Variants in ALMS1 observed in about 807,000 individuals in gnomAD.
The protein encoded by ALMS1 is centrosome-associated protein ALMS1.
ALMS1 carries 271 observed loss-of-function variants against 352.2 expected under a neutral mutation model. The ratio of observed to expected loss-of-function variants is 0.77; its 90% CI spans 0.70 to 0.85. The LOEUF is 0.85. Among genes scored for constraint, ALMS1 ranks in the 40% least tolerant of loss-of-function variants. The pLI is 0.00. For synonymous variants in ALMS1, 1,865 were observed against 1,761.2 expected (o/e 1.06, Z -1.48); for missense variants, 5,445 against 4,870.7 (o/e 1.12, Z -3.51).
chr2:73,392,296 G>A (rs1030781820), intron 1 of ALMS1, among the ~76,000 whole-genome samples: 15 of 123,724 alleles, frequency 1.2e-4, no homozygotes, highest in African/African-American at 3.8e-4. Context: ...GTGTGTGTGT[G>A]TATTTCCTTG....
chr2:73,563,107 A>C (rs955518001), intron 15 of ALMS1, among the ~76,000 whole-genome samples: 13 of 151,958 alleles, frequency 8.6e-5, no homozygotes, highest in African/African-American at 3.1e-4. Context: ...AAAAAAAAAA[A>C]AACTTCTTGG....
chr2:73,601,209 G>A lies in ALMS1; in HGVS notation c.11887G>A (p.Val3963Ile). 1 of 1,614,208 alleles carries A rather than the reference G, an allele frequency of 6.2e-7. No homozygotes were observed. The highest frequency in any genetic ancestry group is 1.1e-5 in the South Asian group (1 of 91,070). Residue 3963 changes from valine (V) to isoleucine (I), a missense_variant, in exon 19 of 23, where the codon GTT (valine) becomes ATT (isoleucine). Val to Ile is a conservative substitution (Grantham distance 29). Transcript: ENST00000613296. ...GTTTCCTGTAGGAGTTTCCTGGTTT[G>A]TTCCTGTGGAAAATGTGGAGTCTAG... is the stretch of plus-strand genomic sequence containing the variant. ...KNSHEGVSWFVPVENVESRSK... is the reference protein window; with the variant it reads ...KNSHEGVSWFIPVENVESRSK...
chr2:73,609,778 T>A lies in ALMS1; in HGVS notation c.*166T>A. On this transcript the variant is annotated 3_prime_UTR_variant, in exon 23 of 23. Coordinates refer to ENST00000613296, the MANE Select transcript of ALMS1 (RefSeq NM_001378454.1). ...GGAACAAAGTGGTGATTAAAATTCC[T>A]AATGGTTTGGGAGCAATACTTTCTG... 1 of 711,130 alleles carries A rather than the reference T, an allele frequency of 1.4e-6. No homozygotes were observed. Among genetic ancestry groups the A allele is most frequent in the South Asian group, 1.7e-5 (1 of 58,888 alleles). The allele number at this position is 711,130 out of a possible 1,614,324, so 44.1% of individuals were successfully genotyped here.
rs555059736 is a variant in ALMS1, at chr2:73,540,885, A to T, written c.9907+5936A>T. The stretch of plus-strand genomic sequence containing the variant: ...CCAGATTGATAAAGCAAGTCCTTAG[A>T]GACCTACAAAGAGACTTAGACTCCC... On this transcript the variant is annotated intron_variant, in intron 12 of 22. Coordinates refer to ENST00000613296, the MANE Select transcript of ALMS1 (RefSeq NM_001378454.1). 2.6e-5 allele frequency among the ~76,000 whole-genome samples: 4 copies of T among 152,348 alleles called. No homozygotes were observed. The East Asian group carries it at 5.8e-4, about 22-fold the overall frequency.
At chr2:73,497,285 C>CT (rs1021958559) in intron 10 of ALMS1, among the ~76,000 whole-genome samples, 53 of 151,664 alleles carry the variant, frequency 3.5e-4, no homozygotes, top group African/African-American at 1.3e-3. Flanking sequence ...TGGGTTTCTT[C>CT]TTTTTTTTAA....
intron 5 of ALMS1, among the ~76,000 whole-genome samples, chr2:73,425,968 GT>G (rs1412980333): frequency 6.6e-6 from 1 of 152,172 alleles, no homozygotes; most frequent in Admixed American, 6.5e-5. Flanking sequence ...CAACCAGGCT[GT>G]TGGTCTTGGC....
At chr2:73,514,064 G>C (rs980375668) in intron 10 of ALMS1, among the ~76,000 whole-genome samples, 1 of 152,200 alleles carries the variant, frequency 6.6e-6, no homozygotes, top group East Asian at 1.9e-4. Context: ...GTTACTTTGT[G>C]ATTAATATAT....
chr2:73,597,037 T>C (rs114568622), intron 16 of ALMS1, among the ~76,000 whole-genome samples: 1,905 of 152,210 alleles, frequency 0.013, 50 homozygotes, highest in African/African-American at 0.044. Context: ...ATCCTAACAA[T>C]TTTGAGACTT....
intron 7 of ALMS1, among the ~76,000 whole-genome samples, chr2:73,437,681 C>G (rs1671631567): frequency 6.6e-6 from 1 of 152,168 alleles, no homozygotes; most frequent in Non-Finnish European, 1.5e-5. Flanking sequence ...CCTCACTTAT[C>G]TCTCAGAGTA....
intron 10 of ALMS1, among the ~76,000 whole-genome samples, chr2:73,508,643 G>A (rs1239710781): frequency 6.6e-6 from 1 of 152,170 alleles, no homozygotes; most frequent in African/African-American, 2.4e-5. Context: ...TAAGTGCTAT[G>A]TAGTACTGAG....
chr2:73,589,637 T>G (rs1338684203), intron 16 of ALMS1, among the ~76,000 whole-genome samples: 1 of 152,218 alleles, frequency 6.6e-6, no homozygotes, highest in Non-Finnish European at 1.5e-5. Flanking sequence ...TGGCTAAGTT[T>G]TGTATTTTCA....
chr2:73,561,205 G>T (rs1225372447), intron 15 of ALMS1, among the ~76,000 whole-genome samples: 1 of 152,226 alleles, frequency 6.6e-6, no homozygotes, highest in Non-Finnish European at 1.5e-5. Context: ...TGTAGTTCAG[G>T]CCTACTCAGG....
chr2:73,485,029 C>G (rs531674886), intron 9 of ALMS1, among the ~76,000 whole-genome samples: 9 of 152,254 alleles, frequency 5.9e-5, no homozygotes, highest in Middle Eastern at 3.4e-3. Flanking sequence ...AATGTCCTCC[C>G]GTAGCTCAGA....
chr2:73,386,305 G>A (rs1670529661), intron 1 of ALMS1, 113 bp downstream of exon 1: 2 of 1,378,082 alleles, frequency 1.5e-6, no homozygotes, highest in South Asian at 1.5e-5. Flanking sequence ...AACGCGCGCA[G>A]CTGAGGCTAG....
intron 12 of ALMS1, among the ~76,000 whole-genome samples, chr2:73,544,056 C>T (rs954058047): frequency 2.6e-5 from 4 of 152,150 alleles, no homozygotes; most frequent in East Asian, 1.9e-4. Context: ...GCTATAAAGA[C>T]ACATGCACAG....
chr2:73,435,698 C>G (rs754566350), intron 7 of ALMS1, among the ~76,000 whole-genome samples: 3 of 151,820 alleles, frequency 2.0e-5, no homozygotes, highest in Non-Finnish European at 4.4e-5. Flanking sequence ...CTCAAGTGAT[C>G]CTCCTGCCTC....
At chr2:73,485,048 A>G (rs1299794836) in intron 9 of ALMS1, among the ~76,000 whole-genome samples, 2 of 152,128 alleles carry the variant, frequency 1.3e-5, no homozygotes, top group Non-Finnish European at 2.9e-5. Flanking sequence ...GAGTAATTTG[A>G]TCGTCTGAAG....
intron 7 of ALMS1, among the ~76,000 whole-genome samples, chr2:73,446,950 A>G (rs1028122829): frequency 6.6e-6 from 1 of 152,194 alleles, no homozygotes; most frequent in East Asian, 1.9e-4. Flanking sequence ...TACTTGCTCT[A>G]TATATCAATC....
Position 73,408,771 on chromosome 2 carries a change from CTTT to C in ALMS1, c.450+33_450+35del, listed in dbSNP as rs750536453. 1.5e-5 allele frequency: 19 copies of C among 1,246,522 alleles called. No homozygotes were observed. In the South Asian group the frequency reaches 2.4e-4, roughly 16 times the overall value. The allele number at this position is 1,246,522 out of a possible 1,614,324, so 77.2% of individuals were successfully genotyped here. ...AGGTATGTCTTCTGTAACTGGCTAA[CTTT>C]TTTTTTTTGATAAGCAGCACAAGAA... On this transcript the variant is annotated intron_variant, in intron 2 of 22. Transcript: ENST00000613296.
Sources: allele counts gnomAD v4.1 joint callset (sites outside exome capture counted in the v4.1 genomes callset), GRCh38; gene constraint gnomAD v4.1.1; transcripts MANE v1.5; gene names NCBI Gene and HGNC (gene_info 2026-07-23, HGNC 2026-07-21).